Variants in KCNN2 observed in about 807,000 individuals in gnomAD.
KCNN2 encodes the protein potassium calcium-activated channel subfamily N member 2.
Under a neutral mutation model 55.5 loss-of-function variants are expected in KCNN2, and 24 were observed. That is an observed-to-expected ratio of 0.43 (90% CI 0.31 to 0.61). The LOEUF is 0.61. Ranked by LOEUF, KCNN2 falls within the 20% of genes least tolerant of loss-of-function variation. The pLI is 0.08. For missense variants in KCNN2, 754 were observed against 853.6 expected (o/e 0.88, Z 1.45); for synonymous variants, 431 against 336.1 (o/e 1.28, Z -3.09).
chr5:114,367,266 C>G (rs1757628563), intron 2 of KCNN2, among the ~76,000 whole-genome samples: 1 of 152,114 alleles, frequency 6.6e-6, no homozygotes, highest in African/African-American at 2.4e-5. Flanking sequence ...TTTTTCAGTA[C>G]CACAGACAGC....
At chr5:114,065,285 A>G (rs1561460462) in intron 1 of KCNN2, among the ~76,000 whole-genome samples, 1 of 152,208 alleles carries the variant, frequency 6.6e-6, no homozygotes, top group Non-Finnish European at 1.5e-5. Context: ...CCCCATGGGA[A>G]GCTAACTCCA....
chr5:114,070,059 G>A (rs576995377), intron 1 of KCNN2, among the ~76,000 whole-genome samples: 1 of 152,258 alleles, frequency 6.6e-6, no homozygotes, highest in South Asian at 2.1e-4. Context: ...TTTTCACTAT[G>A]TTACTGCTGA....
chr5:114,479,790 ATAATGAAAT>A (rs1762142250), intron 5 of KCNN2, among the ~76,000 whole-genome samples: 4 of 152,222 alleles, frequency 2.6e-5, no homozygotes, highest in Non-Finnish European at 5.9e-5. Context: ...TCTTGGGTAG[ATAATGAAAT>A]TAAGGCAGAA....
intron 1 of KCNN2, 72 bp from the exon 2 acceptor site, chr5:114,363,834 T>G: frequency 8.4e-6 from 9 of 1,065,410 alleles, no homozygotes; most frequent in Non-Finnish European, 1.2e-5. Flanking sequence ...GGGGACTGAC[T>G]GACTCTGGGG....
chr5:114,449,921 CGT>C (rs879711813), intron 3 of KCNN2, among the ~76,000 whole-genome samples: 141 of 151,148 alleles, frequency 9.3e-4, no homozygotes, highest in Admixed American at 2.0e-3. Context: ...CGCGCGCTCG[CGT>C]GCGCGCACTC....
At chr5:114,429,496 G>C (rs564920504) in intron 3 of KCNN2, among the ~76,000 whole-genome samples, 1 of 152,070 alleles carries the variant, frequency 6.6e-6, no homozygotes, top group Non-Finnish European at 1.5e-5. Context: ...TCTAAATCGG[G>C]TTGTTCATTT....
chr5:114,358,372 T>TGGGATGGGTGTTTGTGTGC (rs1757337558), upstream of KCNN2, among the ~76,000 whole-genome samples: 2 of 152,194 alleles, frequency 1.3e-5, no homozygotes, highest in Admixed American at 1.3e-4. Context: ...TGTTTGTGTG[T>TGGGATGGGTGTTTGTGTGC]GGGATGGGTG....
At chr5:114,127,715 T>C (rs955141013) in intron 1 of KCNN2, among the ~76,000 whole-genome samples, 1 of 152,224 alleles carries the variant, frequency 6.6e-6, no homozygotes, top group African/African-American at 2.4e-5. Flanking sequence ...GAAAATGGGT[T>C]CTTGTTTTCT....
intron 3 of KCNN2, among the ~76,000 whole-genome samples, chr5:114,450,310 G>T (rs919769894): frequency 1.3e-5 from 2 of 152,194 alleles, no homozygotes; most frequent in Non-Finnish European, 2.9e-5. Flanking sequence ...GCCTGGTCGA[G>T]CATGGCTCCA....
At chr5:114,198,923 C>G (rs1167410283) in intron 1 of KCNN2, among the ~76,000 whole-genome samples, 1 of 152,014 alleles carries the variant, frequency 6.6e-6, no homozygotes, top group African/African-American at 2.4e-5. Context: ...ATAGAATGTT[C>G]TGTAAATGTC....
chr5:114,160,284 G>T (rs76871599), intron 1 of KCNN2, among the ~76,000 whole-genome samples: 58,534 of 151,958 alleles, frequency 0.39, 11,611 homozygotes, highest in East Asian at 0.72. Flanking sequence ...TCAGGAGCAG[G>T]TTGTTCAGTT....
chr5:114,340,575 T>A (rs949556676), intron 2 of KCNN2, among the ~76,000 whole-genome samples: 1 of 152,180 alleles, frequency 6.6e-6, no homozygotes, highest in African/African-American at 2.4e-5. Flanking sequence ...TAGAACATGA[T>A]ATTTTGACAT....
chr5:114,284,730 G>C (rs950892546), intron 2 of KCNN2, among the ~76,000 whole-genome samples: 3 of 151,674 alleles, frequency 2.0e-5, no homozygotes, highest in Non-Finnish European at 4.4e-5. Flanking sequence ...ATGTTGGCCA[G>C]GATGGTCTTG....
At chr5:114,082,350 T>C (rs1230130985) in intron 1 of KCNN2, among the ~76,000 whole-genome samples, 1 of 150,380 alleles carries the variant, frequency 6.6e-6, no homozygotes, top group African/African-American at 2.4e-5. Context: ...AAAAAGATGC[T>C]GAACATTACT....
At chr5:114,445,405 G>C (rs1045946777) in intron 3 of KCNN2, among the ~76,000 whole-genome samples, 1 of 152,240 alleles carries the variant, frequency 6.6e-6, no homozygotes, top group Non-Finnish European at 1.5e-5. Flanking sequence ...GCATCCATGA[G>C]ACACTTTATA....
chr5:114,300,668 T>C (rs1756136067), intron 2 of KCNN2, among the ~76,000 whole-genome samples: 1 of 152,210 alleles, frequency 6.6e-6, no homozygotes, highest in Admixed American at 6.5e-5. Context: ...ATGGATTATA[T>C]TGTAGAATAT....
chr5:114,263,317 G>C (rs1755147658), intron 2 of KCNN2, among the ~76,000 whole-genome samples: 1 of 152,122 alleles, frequency 6.6e-6, no homozygotes, highest in Non-Finnish European at 1.5e-5. Context: ...TGAAGCCAGT[G>C]GTCACATCTA....
chr5:114,408,597 C>T (rs984604727), intron 3 of KCNN2, among the ~76,000 whole-genome samples: 2 of 152,104 alleles, frequency 1.3e-5, no homozygotes, highest in Non-Finnish European at 2.9e-5. Flanking sequence ...CTCTAGTTGA[C>T]ATACCTATTT....
rs529526431 is a variant in KCNN2, at chr5:114,158,585, A to G, written c.-270-62895A>G. Among the ~76,000 whole-genome samples, 4 of 151,934 alleles carry G rather than the reference A, an allele frequency of 2.6e-5. No individual in the cohort carries two copies. In the East Asian group the frequency reaches 7.7e-4, roughly 29 times the overall value. On this transcript the variant is annotated intron_variant, in intron 1 of 10. Coordinates refer to the KCNN2 transcript ENST00000512097. The stretch of plus-strand genomic sequence containing the variant: ...GGGGATGGCATTGAATCTATAAATT[A>G]CCTTGGGCAGTATGGCCATTTTCAT...
Sources: gnomAD v4.1 joint callset for allele counts (sites outside exome capture counted in the v4.1 genomes callset) on GRCh38, gnomAD v4.1.1 for gene constraint, MANE v1.5 for transcripts, NCBI Gene and HGNC (gene_info 2026-07-23, HGNC 2026-07-21) for gene names.